The following PNLDC1 variants were observed in gnomAD, a reference collection of about 807,000 sequenced individuals.
PNLDC1 encodes the protein poly(A)-specific ribonuclease PNLDC1.
PNLDC1 carries 70 observed loss-of-function variants against 82.0 expected under a neutral mutation model. The observed-to-expected ratio is 0.85, with a 90% CI of 0.70 to 1.04. PNLDC1 has a LOEUF of 1.04. PNLDC1 is among the 50% of genes least tolerant of loss of function. PNLDC1 has a pLI of 0.00. For missense variants in PNLDC1, 631 were observed against 661.1 expected (o/e 0.95, Z 0.50); for synonymous variants, 280 against 249.3 (o/e 1.12, Z -1.16).
chr6:159,811,280 C>G (rs1562502138), intron 10 of PNLDC1, among the ~76,000 whole-genome samples: 1 of 152,110 alleles, frequency 6.6e-6, no homozygotes, highest in Admixed American at 6.5e-5. Flanking sequence ...CAACTGAGTT[C>G]TTGCATAAAT....
intron 14 of PNLDC1, 98 bp from the exon 15 acceptor site, chr6:159,817,011 C>T: frequency 7.0e-6 from 9 of 1,277,022 alleles, no homozygotes; most frequent in Non-Finnish European, 4.5e-6. Context: ...TCCCTAGATT[C>T]TACATTTATT....
At position 159,819,332 on chromosome 6, in the gene PNLDC1, A is replaced by G. The variant is rs776006999; in HGVS notation, c.1512A>G (p.Pro504=). Residue 504 remains proline (P), a synonymous_variant, in exon 18 of 19, where the codon CCA becomes CCG. Coordinates refer to ENST00000392167, the MANE Select transcript of PNLDC1 (RefSeq NM_001271862.2). The surrounding 1 kb of genome is among the most constrained non-coding windows in gnomAD (Gnocchi z 4.6). ...ISLYRYWRHS[P]NVNCLLQVCG... ...TGTACCGCTACTGGAGGCACTCCCC[A>G]AACGTCAACTGCCTGCTCCAGTAAG... 2.2e-5 allele frequency: 35 copies of G among 1,613,638 alleles called. No individual in the cohort carries two copies. Among genetic ancestry groups the G allele is most frequent in the Non-Finnish European group, 2.9e-5 (34 of 1,180,006 alleles).
At chr6:159,809,214 A>G in intron 9 of PNLDC1, 56 bp downstream of exon 9, 1 of 1,583,338 alleles carries the variant, frequency 6.3e-7, no homozygotes, top group Non-Finnish European at 8.6e-7. Flanking sequence ...ATTTCTGGTC[A>G]TAGATACTAA....
chr6:159,804,474 C>A, intron 5 of PNLDC1, 75 bp from the exon 6 acceptor site: 1 of 1,003,032 alleles, frequency 1.0e-6, no homozygotes, highest in Non-Finnish European at 1.6e-6. Flanking sequence ...TTCTACCTGT[C>A]CTCGTGAAAT....
intron 2 of PNLDC1, 27 bp from the exon 3 acceptor site, chr6:159,801,086 T>C: frequency 6.2e-7 from 1 of 1,612,092 alleles, no homozygotes. Flanking sequence ...TCATTGCTCG[T>C]GGAATGAGAT....
intron 11 of PNLDC1, 34 bp downstream of exon 11, chr6:159,811,820 CT>C: frequency 1.4e-6 from 2 of 1,458,552 alleles, no homozygotes; most frequent in Admixed American, 1.7e-5. Flanking sequence ...TTAAGAACTG[CT>C]TTTTCCATAC....
chr6:159,802,326 C>T (rs985315745), intron 3 of PNLDC1, among the ~76,000 whole-genome samples: 1 of 152,160 alleles, frequency 6.6e-6, no homozygotes. Context: ...GCTGTGTTGC[C>T]CAGGCTGGGC....
chr6:159,803,347 C>T, intron 4 of PNLDC1, 37 bp downstream of exon 4: 2 of 1,582,518 alleles, frequency 1.3e-6, no homozygotes, highest in Non-Finnish European at 1.7e-6. Flanking sequence ...TAGGTGCTTC[C>T]CACCTATGTT....
At chr6:159,808,545 A>C (rs1186771564) in intron 7 of PNLDC1, among the ~76,000 whole-genome samples, 195 bp from the exon 8 acceptor site, 2 of 151,760 alleles carry the variant, frequency 1.3e-5, no homozygotes, top group African/African-American at 4.8e-5. Flanking sequence ...AAAAAAAAAA[A>C]AACTCTTAGA....
chr6:159,809,747 CT>C (rs565042381), intron 9 of PNLDC1, among the ~76,000 whole-genome samples: 1 of 152,176 alleles, frequency 6.6e-6, no homozygotes, highest in Non-Finnish European at 1.5e-5. Context: ...ACCTAAGACT[CT>C]TTGGGGAAAC....
At chr6:159,817,890 T>C (rs1781890097) in intron 15 of PNLDC1, among the ~76,000 whole-genome samples, 2 of 152,232 alleles carry the variant, frequency 1.3e-5, no homozygotes, top group African/African-American at 4.8e-5. Context: ...ACAAAAGTTC[T>C]GTGACACACG....
chr6:159,818,967 C>G lies in PNLDC1; in HGVS notation c.1279C>G (p.Pro427Ala). 6.2e-7 allele frequency: 1 copy of G among 1,613,980 alleles called. No homozygotes were observed. The highest frequency in any genetic ancestry group is 1.6e-4 in the Middle Eastern group (1 of 6,062). ...CTAGAATTTTTCTGGTCCAGATTAT[C>G]CCAGTATCCGACCTCCCATCCTCAT... ...PKINFSGPDY[P>A]SIRPPILILS... is the part of the protein sequence containing the mutation. Residue 427 changes from proline to alanine, a missense_variant, in exon 17 of 19, where the codon CCC becomes GCC. By Grantham distance (27) the Pro-to-Ala change is conservative (BLOSUM62 -1). Transcript: ENST00000392167.
chr6:159,811,859 G>A, intron 11 of PNLDC1, 73 bp downstream of exon 11: 1 of 1,167,354 alleles, frequency 8.6e-7, no homozygotes, highest in Non-Finnish European at 1.2e-6. Context: ...CTCTTGTGGG[G>A]TTTTTTTCTT....
At chr6:159,816,628 CA>C in intron 14 of PNLDC1, 32 bp downstream of exon 14, 15 of 1,465,466 alleles carry the variant, frequency 1.0e-5, no homozygotes, top group South Asian at 2.4e-5. Context: ...AAAGGAAACT[CA>C]CTTTTTTTTT....
At position 159,819,425 on chromosome 6, in the gene PNLDC1, G is replaced by A; in HGVS notation, c.1532+73G>A. 5.2e-6 allele frequency: 7 copies of A among 1,344,124 alleles called. No homozygotes were observed. Among genetic ancestry groups the A allele is most frequent in the Non-Finnish European group, 7.3e-6 (7 of 964,500 alleles). The allele number at this position is 1,344,124 out of a possible 1,614,324, so 83.3% of individuals were successfully genotyped here. A position where few individuals can be genotyped will look rare whatever the true frequency, so the allele number is the denominator to read the frequency against. On this transcript the variant is annotated intron_variant, in intron 18 of 18. Coordinates refer to ENST00000392167, the MANE Select transcript of PNLDC1 (RefSeq NM_001271862.2). The surrounding 1 kb of genome is among the most constrained non-coding windows in gnomAD (Gnocchi z 4.6). ...CCCGGGGTCCCAGCATCCCAGCATG[G>A]TCTGACTCGAGCACAGCTCACTTGC...
At position 159,811,786 on chromosome 6, in the gene PNLDC1, G is replaced by A. The variant is rs1274675382; in HGVS notation, c.939G>A (p.Lys313=). Residue 313 remains lysine, a splice_region_variant and synonymous_variant, in exon 11 of 19, where the codon AAG becomes AAA. Transcript: ENST00000392167. ...AGAGTGTAACAAAGGATATCTGGAA[G>A]GTAATGAATAGAACTGCTTTGGGTT... The part of the protein sequence containing the change: ...DTKSVTKDIW[K]EMNFPRVSNL... 6.2e-7 allele frequency: 1 copy of A among 1,604,368 alleles called. No homozygotes were observed. Among genetic ancestry groups the A allele is most frequent in the Non-Finnish European group, 8.5e-7 (1 of 1,171,418 alleles).
intron 3 of PNLDC1, among the ~76,000 whole-genome samples, chr6:159,801,786 ATTTT>A (rs35414954): frequency 6.6e-6 from 1 of 151,486 alleles, no homozygotes; most frequent in Non-Finnish European, 1.5e-5. Context: ...CACAAAAATA[ATTTT>A]TTTTAAGGTC....
chr6:159,801,705 C>T (rs932031973), intron 3 of PNLDC1, among the ~76,000 whole-genome samples: 1 of 151,954 alleles, frequency 6.6e-6, no homozygotes, highest in Admixed American at 6.6e-5. Flanking sequence ...CTCTGCCTCT[C>T]AAAGTGATGG....
At position 159,818,664 on chromosome 6, in the gene PNLDC1, T is replaced by C. The variant is rs746219630; in HGVS notation, c.1257+10T>C. On this transcript the variant is annotated intron_variant, in intron 16 of 18. Coordinates refer to ENST00000392167, the MANE Select transcript of PNLDC1 (RefSeq NM_001271862.2). ...GGGGGTCCCAAAGATCGTGAGTAGA[T>C]CTCATTTGGCCCCCTCGCCCCATTC... The C allele has an allele frequency of 1.2e-6, 2 of 1,610,348 alleles. No homozygotes were observed. The highest frequency in any genetic ancestry group is 2.2e-5 in the East Asian group (1 of 44,852).
Sources: gnomAD v4.1 joint callset for allele counts (sites outside exome capture counted in the v4.1 genomes callset) on GRCh38, gnomAD v4.1.1 for gene constraint, Gnocchi (gnomAD v3.1) non-coding constraint, MANE v1.5 for transcripts, NCBI Gene and HGNC (gene_info 2026-07-23, HGNC 2026-07-21) for gene names.